The following ERAP1 variants were observed in gnomAD, a reference collection of about 807,000 sequenced individuals.
The protein encoded by ERAP1 is adipocyte-derived leucine aminopeptidase.
Under a neutral mutation model 103.7 loss-of-function variants are expected in ERAP1, and 86 were observed. The ratio of observed to expected loss-of-function variants is 0.83; its 90% CI spans 0.70 to 0.99. The LOEUF is 0.99. ERAP1 is among the 50% of genes least tolerant of loss of function. The pLI, the probability that ERAP1 is intolerant of heterozygous loss-of-function variation, is 0.00. For synonymous variants in ERAP1, 398 were observed against 402.4 expected, an observed-to-expected ratio of 0.99 and a Z score of 0.13; for missense variants, 1,009 against 1,128.4, an observed-to-expected ratio of 0.89 and a Z score of 1.52.
rs546509120 is a variant in ERAP1, at chr5:96,803,753, GACGT to G, written c.170_173del (p.Tyr57SerfsTer9). The G allele has an allele frequency of 1.7e-4, 275 of 1,614,200 alleles. No individual in the cohort carries two copies. In the African/African-American group the frequency reaches 3.4e-3, roughly 20 times the overall value. ...TCAAGAGATCATAATGAACTGGGAT[GACGT>G]ACTCAGGAAGTCGTATTTTATTCCA... is the stretch of plus-strand genomic sequence containing the variant. On this transcript the variant is annotated frameshift_variant, in exon 2 of 19. Transcript: ENST00000443439. LOFTEE classifies it high-confidence loss of function.
At chr5:96,841,709 T>C in the ERAP1 span, among the ~76,000 whole-genome samples, 1 of 151,150 alleles carries the variant, frequency 6.6e-6, no homozygotes, top group South Asian at 2.1e-4. Flanking sequence ...AGATATTTTA[T>C]TCCCTCCAGA....
At chr5:96,889,541 C>G in the ERAP1 span, 1 of 689,862 alleles carries the variant, frequency 1.4e-6, no homozygotes, top group Admixed American at 2.2e-5. Context: ...GTTAACATAT[C>G]TGCATCGAAC....
chr5:96,842,150 G>A, the ERAP1 span, among the ~76,000 whole-genome samples: 1 of 152,046 alleles, frequency 6.6e-6, no homozygotes, highest in African/African-American at 2.4e-5. Flanking sequence ...GTATTCCATG[G>A]TATATGTATA....
the ERAP1 span, among the ~76,000 whole-genome samples, chr5:96,859,926 A>G: frequency 6.6e-6 from 1 of 152,182 alleles, no homozygotes; most frequent in Non-Finnish European, 1.5e-5. Context: ...GTGTAAAATA[A>G]TACTTAGCAT....
the ERAP1 span, among the ~76,000 whole-genome samples, chr5:96,914,063 C>A: frequency 6.6e-6 from 1 of 151,822 alleles, no homozygotes; most frequent in Admixed American, 6.6e-5. Context: ...CTAAAATATC[C>A]CTCAGAAATA....
chr5:96,888,921 A>G, the ERAP1 span, among the ~76,000 whole-genome samples: 2 of 152,242 alleles, frequency 1.3e-5, no homozygotes, highest in African/African-American at 2.4e-5. Context: ...ATTATGATAC[A>G]ATGGGTTAAC....
the ERAP1 span, among the ~76,000 whole-genome samples, chr5:96,819,086 C>T: frequency 1.4e-4 from 22 of 152,008 alleles, no homozygotes; most frequent in Admixed American, 4.6e-4. Context: ...CCACCACGCC[C>T]GGTTAATTTT....
the ERAP1 span, among the ~76,000 whole-genome samples, chr5:96,813,618 A>C: frequency 8.1e-6 from 1 of 123,530 alleles, no homozygotes; most frequent in South Asian, 2.7e-4. Context: ...GTGCCACTGC[A>C]CTCCAGCCTG....
At chr5:96,872,511 A>C in the ERAP1 span, among the ~76,000 whole-genome samples, 1 of 152,122 alleles carries the variant, frequency 6.6e-6, no homozygotes, top group African/African-American at 2.4e-5. Flanking sequence ...AAACAAGAGA[A>C]TCGCTTGAGC....
Position 96,807,920 on chromosome 5 carries a change from G to C in ERAP1, c.-78C>G. The C allele has an allele frequency of 1.0e-6, 1 of 986,328 alleles. No individual in the cohort carries two copies. The highest frequency in any genetic ancestry group is 1.2e-6 in the Non-Finnish European group (1 of 830,672). The allele number at this position is 986,328 out of a possible 1,614,324, so 61.1% of individuals were successfully genotyped here. On this transcript the variant is annotated 5_prime_UTR_variant, in exon 1 of 19. Coordinates refer to ENST00000443439, the MANE Select transcript of ERAP1 (RefSeq NM_001040458.3). ...CGCCACCACCACTGCCGCCGGCCTA[G>C]CTCCCCCAGGACCGAAAGTGAAAGT... is the stretch of plus-strand genomic sequence containing the variant.
the ERAP1 span, among the ~76,000 whole-genome samples, chr5:96,933,548 T>G: frequency 1.3e-5 from 2 of 152,214 alleles, no homozygotes; most frequent in African/African-American, 4.8e-5. Flanking sequence ...ATGATCCACC[T>G]ATATTCGCTA....
chr5:96,864,032 T>C, the ERAP1 span, among the ~76,000 whole-genome samples: 1 of 152,172 alleles, frequency 6.6e-6, no homozygotes, highest in African/African-American at 2.4e-5. Flanking sequence ...ACCATGTGCA[T>C]ATACTGTTGT....
chr5:96,930,039 C>A, the ERAP1 span, among the ~76,000 whole-genome samples: 2 of 152,146 alleles, frequency 1.3e-5, no homozygotes, highest in African/African-American at 4.8e-5. Flanking sequence ...CCCAGGGTAA[C>A]CTTGAAAACT....
At chr5:96,781,025 T>G in intron 17 of ERAP1, 33 bp downstream of exon 17, 1 of 1,613,606 alleles carries the variant, frequency 6.2e-7, no homozygotes, top group Non-Finnish European at 8.5e-7. Flanking sequence ...TATGAACTTA[T>G]CCAGTCACAG....
At chr5:96,883,771 TG>T in the ERAP1 span, 4 of 1,601,972 alleles carry the variant, frequency 2.5e-6, no homozygotes, top group Non-Finnish European at 3.4e-6. Context: ...GCATTTTGGC[TG>T]GGGGTGGGTC....
downstream of ERAP1, chr5:96,772,434 GA>G (rs3214853): frequency 0.82 from 125,519 of 152,338 alleles, 51,986 homozygotes; most frequent in Admixed American, 0.88. Context: ...TATTTCCTAG[GA>G]AAAAAGGAGC....
chr5:96,835,129 A>G, the ERAP1 span, among the ~76,000 whole-genome samples: 1 of 152,272 alleles, frequency 6.6e-6, no homozygotes, highest in African/African-American at 2.4e-5. Context: ...AGGTAACACC[A>G]TGACACTGTC....
the ERAP1 span, chr5:96,909,577 C>T: frequency 6.2e-7 from 1 of 1,612,032 alleles, no homozygotes; most frequent in Non-Finnish European, 8.5e-7. Flanking sequence ...ATATTTTCTG[C>T]AGCGTTACCT....
At chr5:96,884,387 C>T in the ERAP1 span, among the ~76,000 whole-genome samples, 1 of 152,182 alleles carries the variant, frequency 6.6e-6, no homozygotes, top group Non-Finnish European at 1.5e-5. Context: ...TGCTGACGGT[C>T]CAGAGACCCC....
Sources: gnomAD v4.1 joint callset for allele counts (sites outside exome capture counted in the v4.1 genomes callset) on GRCh38, gnomAD v4.1.1 for gene constraint, MANE v1.5 for transcripts, NCBI Gene and HGNC (gene_info 2026-07-23, HGNC 2026-07-21) for gene names.